GLT1D1: variants seen among roughly 807,000 people sequenced by gnomAD.
The protein encoded by GLT1D1 is glycosyltransferase 1 domain-containing protein 1.
GLT1D1 carries 21 observed loss-of-function variants against 28.7 expected under a neutral mutation model. The ratio of observed to expected loss-of-function variants is 0.73; its 90% CI spans 0.52 to 1.05. GLT1D1 has a LOEUF of 1.05. Among genes scored for constraint, GLT1D1 ranks in the 50% least tolerant of loss-of-function variants. The pLI, the probability that GLT1D1 is intolerant of heterozygous loss-of-function variation, is 0.00. For missense variants in GLT1D1, 343 were observed against 330.6 expected, an observed-to-expected ratio of 1.04 and a Z score of -0.29; for synonymous variants, 147 against 124.8, an observed-to-expected ratio of 1.18 and a Z score of -1.19.
chr12:128,874,116 C>CCCTTTCTT (rs1555261625), intron 1 of GLT1D1, among the ~76,000 whole-genome samples: 2 of 59,526 alleles, frequency 3.4e-5, no homozygotes, highest in African/African-American at 1.7e-4. Context: ...CTCTCTCTCT[C>CCCTTTCTT]TCTCTCTCTC....
intron 4 of GLT1D1, among the ~76,000 whole-genome samples, chr12:128,921,520 T>C (rs1188558696): frequency 6.6e-6 from 1 of 151,776 alleles, no homozygotes; most frequent in Non-Finnish European, 1.5e-5. Context: ...TATGTGTGTA[T>C]TTATATATCT....
intron 4 of GLT1D1, among the ~76,000 whole-genome samples, chr12:128,916,728 C>T (rs1372034424): frequency 6.6e-6 from 1 of 152,118 alleles, no homozygotes; most frequent in Non-Finnish European, 1.5e-5. Flanking sequence ...TCCTTATATT[C>T]TAGGTACAAG....
At chr12:128,916,913 C>T (rs1395388969) in intron 4 of GLT1D1, among the ~76,000 whole-genome samples, 1 of 152,110 alleles carries the variant, frequency 6.6e-6, no homozygotes, top group Non-Finnish European at 1.5e-5. Context: ...AAAATCTTTA[C>T]CTACCCTAGG....
chr12:128,887,506 C>G (rs1377879668), intron 2 of GLT1D1, among the ~76,000 whole-genome samples: 1 of 151,084 alleles, frequency 6.6e-6, no homozygotes, highest in East Asian at 1.9e-4. Context: ...CACACACACA[C>G]ACACACACAC....
At chr12:128,891,535 C>T (rs901482413) in intron 3 of GLT1D1, among the ~76,000 whole-genome samples, 1 of 152,136 alleles carries the variant, frequency 6.6e-6, no homozygotes, top group African/African-American at 2.4e-5. Flanking sequence ...AAATCACCAG[C>T]CATTAATTTT....
In GLT1D1 at chr12:128,872,274, T is replaced by C. The variant is rs552200576; in HGVS notation, c.69-3640T>C. On this transcript the variant is annotated intron_variant, in intron 1 of 7. Coordinates refer to ENST00000281703, the MANE Select transcript of GLT1D1 (RefSeq NM_144669.3). ...AAGGGTACTTTTAAGTGTACTTGATTTTCATGTATGTGCTGATTTTGTAAT... is the reference window on the plus strand; with the variant it reads ...AAGGGTACTTTTAAGTGTACTTGATCTTCATGTATGTGCTGATTTTGTAAT... 7.9e-4 allele frequency among the ~76,000 whole-genome samples: 120 copies of C among 152,254 alleles called. 1 individual carries two copies. Among genetic ancestry groups the C allele is most frequent in the African/African-American group, 2.8e-3 (117 of 41,552 alleles).
chr12:128,934,206 T>G (rs1469496061), intron 4 of GLT1D1, among the ~76,000 whole-genome samples: 2 of 148,488 alleles, frequency 1.3e-5, no homozygotes, highest in Middle Eastern at 3.2e-3. Flanking sequence ...GTCTTTTTTT[T>G]TTTTTTTTTT....
intron 1 of GLT1D1, among the ~76,000 whole-genome samples, chr12:128,858,362 A>G (rs1412602473): frequency 6.6e-6 from 1 of 152,160 alleles, no homozygotes; most frequent in African/African-American, 2.4e-5. Flanking sequence ...CCTTTGTGGG[A>G]GGAAAATCTG....
chr12:128,974,580 T>C (rs1879586680), intron 7 of GLT1D1, among the ~76,000 whole-genome samples: 2 of 152,178 alleles, frequency 1.3e-5, no homozygotes, highest in Admixed American at 1.3e-4. Flanking sequence ...ATAAGACCAC[T>C]CTTTTTCGTG....
At chr12:128,945,269 G>C in intron 4 of GLT1D1, 57 bp from the exon 9 acceptor site, 5 of 1,575,406 alleles carry the variant, frequency 3.2e-6, no homozygotes, top group Non-Finnish European at 4.4e-6. Flanking sequence ...GTGCTGGCCG[G>C]CTGGCAGCGC....
At position 128,864,097 on chromosome 12, in the gene GLT1D1, G is replaced by A. The variant is rs529372898; in HGVS notation, c.68+10448G>A. 6.3e-5 allele frequency: 41 copies of A among 651,874 alleles called. No individual in the cohort carries two copies. The African/African-American group carries it at 6.5e-4, about 10-fold the overall frequency. The allele number at this position is 651,874 out of a possible 1,614,324, so 40.4% of individuals were successfully genotyped here. A position where few individuals can be genotyped will look rare whatever the true frequency, so the allele number is the denominator to read the frequency against. On this transcript the variant is annotated intron_variant, in intron 1 of 7. Transcript: ENST00000281703. ...GTGCACTGTGGGCAGGTCCCTGCAC[G>A]TGGAATGCTGGCTGATGCCAGCTCG...
At chr12:128,932,482 A>G (rs1224191225) in intron 4 of GLT1D1, among the ~76,000 whole-genome samples, 1 of 152,214 alleles carries the variant, frequency 6.6e-6, no homozygotes, top group African/African-American at 2.4e-5. Context: ...CTGTGGTCTG[A>G]GAGTTTTTTA....
chr12:128,965,637 T>C (rs1382311438), intron 7 of GLT1D1, among the ~76,000 whole-genome samples: 2 of 141,288 alleles, frequency 1.4e-5, no homozygotes, highest in Admixed American at 7.7e-5. Context: ...TTTGGAAGGC[T>C]AAGGCAAGCA....
chr12:128,894,556 C>T (rs1379285141), intron 3 of GLT1D1, among the ~76,000 whole-genome samples: 4 of 151,968 alleles, frequency 2.6e-5, no homozygotes, highest in Middle Eastern at 6.8e-3. Context: ...AGTATGGACT[C>T]GTGGGGGCCG....
At chr12:128,930,548 C>G (rs1012966144) in intron 4 of GLT1D1, 1 of 152,214 alleles carries the variant, frequency 6.6e-6, no homozygotes, top group Non-Finnish European at 1.5e-5. Flanking sequence ...GAGTTCTGTA[C>G]AGCATTAGCG....
intron 5 of GLT1D1, 82 bp downstream of exon 9, chr12:128,945,451 G>T (rs1171064932): frequency 3.6e-6 from 4 of 1,103,416 alleles, no homozygotes; most frequent in Non-Finnish European, 4.2e-6. Context: ...CATTTATCCA[G>T]TCCCAGGCAC....
intron 4 of GLT1D1, chr12:128,944,128 T>C: frequency 3.3e-6 from 1 of 305,316 alleles, no homozygotes; most frequent in South Asian, 3.0e-5. Context: ...CCTTAGTATC[T>C]AGAATCAAAT....
intron 3 of GLT1D1, among the ~76,000 whole-genome samples, chr12:128,895,400 A>G (rs1157038630): frequency 2.6e-5 from 4 of 151,950 alleles, no homozygotes; most frequent in African/African-American, 9.7e-5. Context: ...TGAAGTAGGT[A>G]GAAGTCTGGG....
At chr12:128,973,257 A>G (rs2135546972) in intron 7 of GLT1D1, among the ~76,000 whole-genome samples, 1 of 123,600 alleles carries the variant, frequency 8.1e-6, no homozygotes, top group Admixed American at 1.2e-4. Context: ...ATATTGGCTC[A>G]TTGTAACCTC....
Sources: allele counts gnomAD v4.1 joint callset (sites outside exome capture counted in the v4.1 genomes callset), GRCh38; gene constraint gnomAD v4.1.1; transcripts MANE v1.5; gene names NCBI Gene and HGNC (gene_info 2026-07-23, HGNC 2026-07-21).